Variants in KDM5A observed in about 807,000 individuals in gnomAD.
KDM5A encodes lysine demethylase 5A.
A neutral mutation model predicts 193.5 loss-of-function variants in KDM5A; 42 were observed. The ratio of observed to expected loss-of-function variants is 0.22; its 90% CI spans 0.17 to 0.28. KDM5A has a LOEUF of 0.28. Among genes scored for constraint, KDM5A ranks in the 10% least tolerant of loss-of-function variants. The pLI is 1.00. For missense variants in KDM5A, 1,692 were observed against 2,055.1 expected, an observed-to-expected ratio of 0.82 and a Z score of 3.42; for synonymous variants, 796 against 718.1, an observed-to-expected ratio of 1.11 and a Z score of -1.73.
Position 284,207 on chromosome 12 carries a change from G to A in KDM5A, c.*1249C>T. 1 of 224,450 alleles carries A rather than the reference G, an allele frequency of 4.5e-6. No individual in the cohort carries two copies. The highest frequency in any genetic ancestry group is 5.7e-5 in the Admixed American group (1 of 17,440). 13.9% of individuals were successfully genotyped at this position (224,450 alleles called of 1,614,324 possible). A position where few individuals can be genotyped will look rare whatever the true frequency, so the allele number is the denominator to read the frequency against. ...TGTTGAAACTCTGTCATATGCTGCT[G>A]GTAACAGTAAATATATATATTTATA... On this transcript the variant is annotated 3_prime_UTR_variant, in exon 28 of 28. Transcript: ENST00000399788.
At chr12:345,427 A>T (rs547103578) in intron 10 of KDM5A, among the ~76,000 whole-genome samples, 1 of 152,220 alleles carries the variant, frequency 6.6e-6, no homozygotes, top group South Asian at 2.1e-4. Flanking sequence ...CCTAATAGAC[A>T]TCTACAGAAC....
chr12:361,655 G>A (rs1944296391), intron 5 of KDM5A, among the ~76,000 whole-genome samples: 1 of 152,138 alleles, frequency 6.6e-6, no homozygotes, highest in Admixed American at 6.6e-5. Context: ...CCATGTCAAA[G>A]GGACTAGCAA....
At chr12:381,289 C>G (rs1003277979) in intron 3 of KDM5A, among the ~76,000 whole-genome samples, 1 of 151,358 alleles carries the variant, frequency 6.6e-6, no homozygotes, top group East Asian at 2.0e-4. Context: ...CCACCGTGCC[C>G]GGCTGAGACA....
Position 323,492 on chromosome 12 carries a change from G to A in KDM5A, c.2150+108C>T, listed in dbSNP as rs1943746727. The stretch of plus-strand genomic sequence containing the variant: ...TTCAAGCCTAGAAGTAGACAGTGAA[G>A]TTTAGAAGTCCAGAGTAAAGGAGTA... On this transcript the variant is annotated intron_variant, in intron 15 of 27. Transcript: ENST00000399788. 5.9e-6 allele frequency: 7 copies of A among 1,186,390 alleles called. No individual in the cohort carries two copies. In the South Asian group the frequency reaches 8.9e-5, roughly 15 times the overall value. The allele number at this position is 1,186,390 out of a possible 1,614,324, so 73.5% of individuals were successfully genotyped here.
chr12:354,134 A>G lies in KDM5A; in HGVS notation c.971T>C (p.Ile324Thr). The G allele has an allele frequency of 6.2e-7, 1 of 1,613,522 alleles. No individual in the cohort carries two copies. Among genetic ancestry groups the G allele is most frequent in the South Asian group, 1.1e-5 (1 of 91,080 alleles). The change falls in exon 8 of 28, where the codon ATT becomes ACT. Residue 324 changes from isoleucine (I) to threonine (T), a missense_variant. Ile to Thr is a moderately conservative substitution (Grantham distance 89). This residue lies in a region of KDM5A where 62 missense variants were observed against 107.1 expected (regional missense o/e 0.58). Transcript: ENST00000399788. Reference protein sequence around the residue: ...CDDSYHTFCLIPPLPDVPKGD... With the variant: ...CDDSYHTFCLTPPLPDVPKGD... Reference sequence around the variant, plus strand: ...TTTGGGCACATCAGGTAGTGGAGGAATTAGACAAAATGTATGATAGCTGTC... The same window carrying G: ...TTTGGGCACATCAGGTAGTGGAGGAGTTAGACAAAATGTATGATAGCTGTC...
At chr12:290,583 AAAT>A (rs1482498664) in intron 27 of KDM5A, among the ~76,000 whole-genome samples, 1 of 152,218 alleles carries the variant, frequency 6.6e-6, no homozygotes, top group African/African-American at 2.4e-5. Flanking sequence ...GTTCCTTCAA[AAAT>A]AATGATCACA....
intron 4 of KDM5A, among the ~76,000 whole-genome samples, chr12:364,412 G>C (rs1404725934): frequency 6.6e-6 from 1 of 151,878 alleles, no homozygotes; most frequent in Non-Finnish European, 1.5e-5. Context: ...GGGAGGCGGA[G>C]GCTGCAGTGA....
At position 341,670 on chromosome 12, in the gene KDM5A, G is replaced by A. The variant is rs549252803; in HGVS notation, c.1309-7248C>T. ...TAATCCCAGCACTTTGGGAGGCCAAGGTGAGCGAATCACGAGGTCAGGAGC... is the reference window on the plus strand; with the variant it reads ...TAATCCCAGCACTTTGGGAGGCCAAAGTGAGCGAATCACGAGGTCAGGAGC... On this transcript the variant is annotated intron_variant, in intron 10 of 27. Coordinates refer to ENST00000399788, the MANE Select transcript of KDM5A (RefSeq NM_001042603.3). Among the ~76,000 whole-genome samples the A allele has an allele frequency of 2.6e-5, 4 of 152,258 alleles. No individual in the cohort carries two copies. In the East Asian group the frequency reaches 7.7e-4, roughly 29 times the overall value.
At chr12:342,097 A>T (rs1944013336) in intron 10 of KDM5A, among the ~76,000 whole-genome samples, 1 of 152,206 alleles carries the variant, frequency 6.6e-6, no homozygotes, top group Admixed American at 6.5e-5. Flanking sequence ...CACACTTCAG[A>T]TTCTGAGACA....
rs1348060322 is a variant in KDM5A, at chr12:389,302, CG to C, written c.-212del. The C allele has an allele frequency of 8.7e-6, 6 of 686,178 alleles. No homozygotes were observed. The highest frequency in any genetic ancestry group is 1.8e-5 in the African/African-American group (1 of 56,936). 42.5% of individuals were successfully genotyped at this position (686,178 alleles called of 1,614,324 possible). ...TTTCCACTGAGGTTCAGGACTTTTCCGGAAGTTACCGTGCTGTCAAATCCCT... is the reference window on the plus strand; with the variant it reads ...TTTCCACTGAGGTTCAGGACTTTTCCGAAGTTACCGTGCTGTCAAATCCCT... On this transcript the variant is annotated 5_prime_UTR_variant, in exon 1 of 28. Transcript: ENST00000399788.
intron 27 of KDM5A, among the ~76,000 whole-genome samples, chr12:289,731 A>G (rs1943265667): frequency 6.6e-6 from 1 of 151,048 alleles, no homozygotes; most frequent in African/African-American, 2.4e-5. Context: ...AAAAAAAAAA[A>G]AAAATTTAAT....
At position 309,839 on chromosome 12, in the gene KDM5A, C is replaced by A; in HGVS notation, c.3342G>T (p.Glu1114Asp). The A allele has an allele frequency of 1.2e-6, 2 of 1,614,120 alleles. No individual in the cohort carries two copies. The highest frequency in any genetic ancestry group is 1.7e-6 in the Non-Finnish European group (2 of 1,180,012). Residue 1114 changes from glutamate to aspartate, a missense_variant, in exon 22 of 28, where the codon GAG becomes GAT. Glu to Asp is a conservative substitution (Grantham distance 45, BLOSUM62 2). Around this residue, in one of 11 missense-constraint regions of KDM5A, gnomAD observed 965 missense variants for 1,061.0 expected, o/e 0.91. Coordinates refer to ENST00000399788, the MANE Select transcript of KDM5A (RefSeq NM_001042603.3). The stretch of plus-strand genomic sequence containing the variant: ...TATCTCTGGTTTCCTCCAATCCTTC[C>A]TCCAGATCACTCAGAGGCTCCAGGT... ...DLDLEPLSDL[E>D]EGLEETRDTA... is the part of the protein sequence containing the mutation.
intron 10 of KDM5A, among the ~76,000 whole-genome samples, chr12:340,152 A>G (rs1312834546): frequency 6.6e-6 from 1 of 152,116 alleles, no homozygotes; most frequent in Admixed American, 6.5e-5. Flanking sequence ...TGCTAGGATT[A>G]TGGGTGTGAG....
At chr12:359,617 T>C (rs1944268782) in intron 5 of KDM5A, among the ~76,000 whole-genome samples, 1 of 151,460 alleles carries the variant, frequency 6.6e-6, no homozygotes, top group Non-Finnish European at 1.5e-5. Context: ...TGGTATGTAC[T>C]TATGGTCCCA....
At chr12:360,126 G>A (rs867125372) in intron 5 of KDM5A, among the ~76,000 whole-genome samples, 3 of 151,938 alleles carry the variant, frequency 2.0e-5, no homozygotes, top group Middle Eastern at 3.2e-3. Context: ...TATAAAAAAT[G>A]AGCCAGGCAT....
intron 12 of KDM5A, 23 bp from the exon 13 acceptor site, chr12:331,961 G>C: frequency 6.2e-7 from 1 of 1,609,430 alleles, no homozygotes; most frequent in African/African-American, 1.3e-5. Flanking sequence ...TGGGAACAGG[G>C]ATACAAAAAT....
chr12:370,126 C>T (rs1378909478), intron 3 of KDM5A, among the ~76,000 whole-genome samples: 1 of 152,232 alleles, frequency 6.6e-6, no homozygotes, highest in Non-Finnish European at 1.5e-5. Flanking sequence ...GGCATAGTGG[C>T]TCATGCCTGT....
Position 389,005 on chromosome 12 carries a change from G to A in KDM5A, c.87C>T (p.Phe29=), listed in dbSNP as rs763975936. ...GGCCGATAAAGCTGAGCGGATCTGT[G>A]AACTCCTCCCAACTCGGCTCAAAGA... ...CPVFEPSWEE[F]TDPLSFIGRI... The change falls in exon 1 of 28, where the codon TTC becomes TTT. Residue 29 remains phenylalanine (F), a synonymous_variant. Coordinates refer to ENST00000399788, the MANE Select transcript of KDM5A (RefSeq NM_001042603.3). 1.1e-5 allele frequency: 17 copies of A among 1,611,240 alleles called. No homozygotes were observed. The highest frequency in any genetic ancestry group is 1.4e-5 in the Non-Finnish European group (16 of 1,178,602).
At chr12:342,345 G>C (rs1010061990) in intron 10 of KDM5A, among the ~76,000 whole-genome samples, 1 of 152,022 alleles carries the variant, frequency 6.6e-6, no homozygotes, top group African/African-American at 2.4e-5. Context: ...TACAAATACA[G>C]GTCATCTCCT....
Sources: allele counts gnomAD v4.1 joint callset (sites outside exome capture counted in the v4.1 genomes callset), GRCh38; gene constraint gnomAD v4.1.1; regional missense constraint gnomAD v4.1.1; transcripts MANE v1.5; gene names NCBI Gene and HGNC (gene_info 2026-07-23, HGNC 2026-07-21).